Variants in ZSWIM6 observed in about 807,000 individuals in gnomAD.
The protein encoded by ZSWIM6 is zinc finger SWIM domain-containing protein 6.
ZSWIM6 carries 9 observed loss-of-function variants against 113.2 expected under a neutral mutation model. The ratio of observed to expected loss-of-function variants is 0.08; its 90% CI spans 0.05 to 0.14. ZSWIM6 has a LOEUF of 0.14. ZSWIM6 is among the 10% of genes least tolerant of loss of function. The pLI is 1.00. For missense variants in ZSWIM6, 1,162 were observed against 1,552.2 expected, an observed-to-expected ratio of 0.75 and a Z score of 4.22; for synonymous variants, 611 against 606.5, an observed-to-expected ratio of 1.01 and a Z score of -0.11.
At chr5:61,528,894 C>G (rs576148291) in intron 7 of ZSWIM6, among the ~76,000 whole-genome samples, 95 of 152,318 alleles carry the variant, frequency 6.2e-4, no homozygotes, top group African/African-American at 2.1e-3. Context: ...GCCTGTCTTT[C>G]ATTTTTATGT....
At chr5:61,536,420 A>G (rs940893305) in intron 10 of ZSWIM6, among the ~76,000 whole-genome samples, 1 of 152,172 alleles carries the variant, frequency 6.6e-6, no homozygotes, top group Non-Finnish European at 1.5e-5. Flanking sequence ...AAACATCAGC[A>G]TTTTCTTTTT....
At chr5:61,536,456 C>T (rs995093353) in intron 10 of ZSWIM6, among the ~76,000 whole-genome samples, 2 of 152,194 alleles carry the variant, frequency 1.3e-5, no homozygotes, top group Non-Finnish European at 2.9e-5. Flanking sequence ...ATAAAACACT[C>T]CTGTGCTTCT....
chr5:61,400,876 A>G (rs1561223345), intron 1 of ZSWIM6, among the ~76,000 whole-genome samples: 1 of 152,170 alleles, frequency 6.6e-6, no homozygotes, highest in African/African-American at 2.4e-5. Flanking sequence ...CTGTCTTTAC[A>G]TTTGACTGGT....
intron 1 of ZSWIM6, among the ~76,000 whole-genome samples, chr5:61,423,569 A>G (rs573644679): frequency 6.6e-6 from 1 of 152,282 alleles, no homozygotes; most frequent in East Asian, 1.9e-4. Flanking sequence ...GACAGAGGCA[A>G]CCACTTTTAG....
At chr5:61,425,913 T>A (rs546909059) in intron 1 of ZSWIM6, among the ~76,000 whole-genome samples, 1 of 152,252 alleles carries the variant, frequency 6.6e-6, no homozygotes. Flanking sequence ...TCGAACGTTA[T>A]GTTCATTTAG....
intron 1 of ZSWIM6, among the ~76,000 whole-genome samples, chr5:61,338,113 G>C (rs80200332): frequency 0.14 from 21,407 of 150,874 alleles, 1,627 homozygotes; most frequent in Non-Finnish European, 0.17. Context: ...ATAACATTCT[G>C]GTAAACACAT....
At chr5:61,467,369 C>T (rs983466198) in intron 1 of ZSWIM6, among the ~76,000 whole-genome samples, 2 of 152,084 alleles carry the variant, frequency 1.3e-5, no homozygotes, top group Non-Finnish European at 1.5e-5. Context: ...TATTTAATGT[C>T]TGTATCAAAA....
intron 10 of ZSWIM6, among the ~76,000 whole-genome samples, chr5:61,538,303 A>G (rs1192781372): frequency 6.6e-6 from 1 of 152,172 alleles, no homozygotes; most frequent in African/African-American, 2.4e-5. Context: ...GAAAAGAGGT[A>G]ATTTTTGTCT....
intron 1 of ZSWIM6, among the ~76,000 whole-genome samples, chr5:61,383,979 C>T (rs1484500037): frequency 1.3e-5 from 2 of 151,162 alleles, no homozygotes; most frequent in East Asian, 3.9e-4. Flanking sequence ...CGGTGGCTCA[C>T]GCCTGTAATC....
intron 1 of ZSWIM6, among the ~76,000 whole-genome samples, chr5:61,392,771 C>T (rs977609139): frequency 1.4e-4 from 21 of 151,880 alleles, no homozygotes; most frequent in African/African-American, 4.6e-4. Context: ...CGTCACCACC[C>T]CCTGCTAATT....
chr5:61,441,606 TG>T (rs1746835708), intron 1 of ZSWIM6, among the ~76,000 whole-genome samples: 1 of 152,180 alleles, frequency 6.6e-6, no homozygotes, highest in Admixed American at 6.5e-5. Flanking sequence ...AAGGCTTAAT[TG>T]GTTAAATGAC....
At chr5:61,357,808 A>G (rs1174039063) in intron 1 of ZSWIM6, among the ~76,000 whole-genome samples, 2 of 151,994 alleles carry the variant, frequency 1.3e-5, no homozygotes, top group East Asian at 3.8e-4. Context: ...TCTGTTGGCT[A>G]GGGAAATGTT....
At chr5:61,504,187 C>A (rs1205720610) in intron 4 of ZSWIM6, among the ~76,000 whole-genome samples, 2 of 152,120 alleles carry the variant, frequency 1.3e-5, no homozygotes, top group Non-Finnish European at 2.9e-5. Flanking sequence ...TCTTCTTCTG[C>A]TTTATCTAGC....
chr5:61,332,399 C>T lies in ZSWIM6; in HGVS notation c.127C>T (p.Arg43Trp). 2 of 991,008 alleles carry T rather than the reference C, an allele frequency of 2.0e-6. No homozygotes were observed. Among genetic ancestry groups the T allele is most frequent in the Non-Finnish European group, 2.4e-6 (2 of 836,152 alleles). The allele number at this position is 991,008 out of a possible 1,614,324, so 61.4% of individuals were successfully genotyped here. ...GGGTGGCGGCTACAGCTCTGCCTGT[C>T]GGCCAGGCCCGCGGGCGGGTGGCGC... ...GAGGGYSSAC[R>W]PGPRAGGAAA... The change falls in exon 1 of 14, where the codon CGG (arginine) becomes TGG (tryptophan). Residue 43 changes from arginine to tryptophan, a missense_variant. This residue lies in a region of ZSWIM6 where 333 missense variants were observed against 293.4 expected (regional missense o/e 1.13). Transcript: ENST00000252744.
chr5:61,347,801 AACGTCC>A (rs1744691724), intron 1 of ZSWIM6: 1 of 152,208 alleles, frequency 6.6e-6, no homozygotes, highest in African/African-American at 2.4e-5. Context: ...TCATGCTGAA[AACGTCC>A]ACTTTTCGAC....
At chr5:61,420,717 A>C (rs931529156) in intron 1 of ZSWIM6, among the ~76,000 whole-genome samples, 1 of 152,182 alleles carries the variant, frequency 6.6e-6, no homozygotes, top group Non-Finnish European at 1.5e-5. Context: ...TTTATGGACT[A>C]TATGGGATAT....
chr5:61,374,711 G>C (rs1745332430), intron 1 of ZSWIM6, among the ~76,000 whole-genome samples: 3 of 150,094 alleles, frequency 2.0e-5, no homozygotes. Context: ...TCGCCACCAC[G>C]CCCGGCTGAT....
chr5:61,528,699 TG>T (rs1365875366), intron 7 of ZSWIM6, among the ~76,000 whole-genome samples: 2 of 151,952 alleles, frequency 1.3e-5, no homozygotes, highest in East Asian at 1.9e-4. Context: ...GCGATTCTCC[TG>T]CCTCAACCTC....
intron 1 of ZSWIM6, among the ~76,000 whole-genome samples, chr5:61,425,830 G>C (rs1746453694): frequency 6.6e-6 from 1 of 152,218 alleles, no homozygotes; most frequent in African/African-American, 2.4e-5. Context: ...ATATGGGCCT[G>C]GTGGCAGCAG....
Sources: allele counts gnomAD v4.1 joint callset (sites outside exome capture counted in the v4.1 genomes callset), GRCh38; gene constraint gnomAD v4.1.1; regional missense constraint gnomAD v4.1.1; transcripts MANE v1.5; gene names NCBI Gene and HGNC (gene_info 2026-07-23, HGNC 2026-07-21).